Variants in AFDN observed in about 807,000 individuals in gnomAD.
AFDN encodes afadin, adherens junction formation factor.
AFDN carries 68 observed loss-of-function variants against 216.6 expected under a neutral mutation model. The ratio of observed to expected loss-of-function variants is 0.31; its 90% CI spans 0.26 to 0.38. The LOEUF is 0.38. Ranked by LOEUF, AFDN falls within the 10% of genes least tolerant of loss-of-function variation. AFDN has a pLI of 1.00. For synonymous variants in AFDN, 868 were observed against 853.7 expected, an observed-to-expected ratio of 1.02 and a Z score of -0.29; for missense variants, 2,136 against 2,342.0, an observed-to-expected ratio of 0.91 and a Z score of 1.82.
At chr6:167,879,281 G>A (rs1016439423) in intron 5 of AFDN, among the ~76,000 whole-genome samples, 1 of 152,186 alleles carries the variant, frequency 6.6e-6, no homozygotes, top group South Asian at 2.1e-4. Context: ...TTTATTGTGA[G>A]CTAAGCTATC....
At chr6:167,917,023 A>G in intron 19 of AFDN, 66 bp from the exon 20 acceptor site, 2 of 1,371,604 alleles carry the variant, frequency 1.5e-6, no homozygotes, top group Non-Finnish European at 1.0e-6. Context: ...AATATTACAT[A>G]AAGGATAATA....
chr6:167,883,671 C>T (rs959155385), intron 6 of AFDN, among the ~76,000 whole-genome samples: 9 of 152,158 alleles, frequency 5.9e-5, no homozygotes, highest in Non-Finnish European at 1.2e-4. Flanking sequence ...ATGGACCTAC[C>T]TTAATATAAA....
intron 18 of AFDN, 48 bp downstream of exon 18, chr6:167,914,786 T>G: frequency 7.5e-7 from 1 of 1,331,742 alleles, no homozygotes. Context: ...TCCTTCACGT[T>G]TAGCATCATT....
At chr6:167,844,863 T>TTTG (rs1398686302) in intron 1 of AFDN, among the ~76,000 whole-genome samples, 76 of 146,092 alleles carry the variant, frequency 5.2e-4, no homozygotes, top group African/African-American at 1.4e-3. Flanking sequence ...TTTTTTTTTT[T>TTTG]TTTTTTTGGT....
At chr6:167,928,342 G>A (rs1244489370) in intron 23 of AFDN, among the ~76,000 whole-genome samples, 1 of 152,206 alleles carries the variant, frequency 6.6e-6, no homozygotes, top group African/African-American at 2.4e-5. Flanking sequence ...CCTTGCCAGG[G>A]TGACAGGGGG....
intron 1 of AFDN, among the ~76,000 whole-genome samples, chr6:167,833,627 T>C (rs947281587): frequency 9.8e-5 from 15 of 152,334 alleles, no homozygotes; most frequent in Non-Finnish European, 1.3e-4. Flanking sequence ...TTCCTGATTT[T>C]TTTATAGGAG....
intron 26 of AFDN, among the ~76,000 whole-genome samples, chr6:167,945,492 A>G (rs538159927): frequency 6.6e-6 from 1 of 152,368 alleles, no homozygotes; most frequent in African/African-American, 2.4e-5. Context: ...CCAGTCGCAT[A>G]TTACATTATC....
At chr6:167,861,769 G>C (rs1028409004) in intron 1 of AFDN, among the ~76,000 whole-genome samples, 3 of 152,058 alleles carry the variant, frequency 2.0e-5, no homozygotes, top group Non-Finnish European at 4.4e-5. Flanking sequence ...TTTAATATCT[G>C]GTAATTTGGA....
intron 6 of AFDN, among the ~76,000 whole-genome samples, chr6:167,888,779 G>T (rs887422020): frequency 1.3e-5 from 2 of 152,124 alleles, no homozygotes; most frequent in African/African-American, 4.8e-5. Context: ...CTGGCTTGTT[G>T]TATGGTGGTT....
At chr6:167,963,817 T>C in intron 31 of AFDN, 1 of 1,063,494 alleles carries the variant, frequency 9.4e-7, no homozygotes, top group South Asian at 4.6e-5. Context: ...AAATCAGATT[T>C]ACAAAATGCT....
At chr6:167,894,343 C>G (rs1168277186) in intron 9 of AFDN, among the ~76,000 whole-genome samples, 1 of 152,086 alleles carries the variant, frequency 6.6e-6, no homozygotes, top group Non-Finnish European at 1.5e-5. Flanking sequence ...TCAAGGTGCT[C>G]CAGATTTATT....
At position 167,963,354 on chromosome 6, in the gene AFDN, C is replaced by G. The variant is rs976141315; in HGVS notation, c.4968+787C>G. The G allele has an allele frequency of 8.5e-6, 9 of 1,059,832 alleles. No homozygotes were observed. In the Admixed American group the frequency reaches 2.7e-4, roughly 32 times the overall value. The allele number at this position is 1,059,832 out of a possible 1,614,324, so 65.7% of individuals were successfully genotyped here. ...TCTGTGTGGTTTGAGAGAAGCTGCT[C>G]TTCTCTGTTACTTCCCTTCTATGAA... On this transcript the variant is annotated intron_variant, in intron 31 of 33. Coordinates refer to ENST00000683244, the MANE Select transcript of AFDN (RefSeq NM_001386888.1).
At chr6:167,963,527 G>A in intron 31 of AFDN, 1 of 1,055,688 alleles carries the variant, frequency 9.5e-7, no homozygotes, top group Non-Finnish European at 1.1e-6. Flanking sequence ...GTAGTGATAT[G>A]CTCTATTAGG....
intron 5 of AFDN, among the ~76,000 whole-genome samples, chr6:167,877,840 A>G (rs1316712259): frequency 6.6e-6 from 1 of 152,090 alleles, no homozygotes; most frequent in Non-Finnish European, 1.5e-5. Flanking sequence ...TTAGTTTCTC[A>G]AGTTCTGATG....
chr6:167,863,233 A>G (rs1783793726), intron 1 of AFDN, among the ~76,000 whole-genome samples: 1 of 152,234 alleles, frequency 6.6e-6, no homozygotes, highest in African/African-American at 2.4e-5. Context: ...TGTATCATGC[A>G]AATATTCCAA....
At chr6:167,864,221 C>A in intron 1 of AFDN, 1 of 540,258 alleles carries the variant, frequency 1.9e-6, no homozygotes, top group Non-Finnish European at 3.6e-6. Flanking sequence ...ATAATAGTAT[C>A]TGTTGAGCTG....
intron 30 of AFDN, among the ~76,000 whole-genome samples, chr6:167,955,577 G>A (rs1335123863): frequency 6.6e-6 from 1 of 152,136 alleles, no homozygotes; most frequent in Non-Finnish European, 1.5e-5. Context: ...GCACTGACCT[G>A]AGGCATTGAA....
intron 1 of AFDN, among the ~76,000 whole-genome samples, chr6:167,857,576 G>GA (rs1267437373): frequency 2.0e-5 from 3 of 151,798 alleles, no homozygotes; most frequent in African/African-American, 7.3e-5. Flanking sequence ...ATCATTCATG[G>GA]GGCCTTTGAA....
intron 19 of AFDN, 56 bp from the exon 20 acceptor site, chr6:167,917,033 A>G (rs1791167837): frequency 2.0e-6 from 3 of 1,474,506 alleles, no homozygotes; most frequent in Admixed American, 1.9e-5. Context: ...AAAGGATAAT[A>G]TTTTTGAAAT....
Sources: allele counts gnomAD v4.1 joint callset (sites outside exome capture counted in the v4.1 genomes callset), GRCh38; gene constraint gnomAD v4.1.1; transcripts MANE v1.5; gene names NCBI Gene and HGNC (gene_info 2026-07-23, HGNC 2026-07-21).